GALNTL6: variants seen among roughly 807,000 people sequenced by gnomAD.
The protein encoded by GALNTL6 is polypeptide N-acetylgalactosaminyltransferase like 6.
Under a neutral mutation model 73.7 loss-of-function variants are expected in GALNTL6, and 46 were observed. That is an observed-to-expected ratio of 0.62 (90% CI 0.49 to 0.80). GALNTL6 has a LOEUF of 0.80. Ranked by LOEUF, GALNTL6 falls within the 30% of genes least tolerant of loss-of-function variation. GALNTL6 has a pLI of 0.00. For missense variants in GALNTL6, 604 were observed against 755.0 expected, an observed-to-expected ratio of 0.80 and a Z score of 2.34; for synonymous variants, 259 against 263.7, an observed-to-expected ratio of 0.98 and a Z score of 0.17.
chr4:172,309,928 C>A (rs191957274), intron 3 of GALNTL6, among the ~76,000 whole-genome samples: 6 of 151,808 alleles, frequency 4.0e-5, no homozygotes, highest in African/African-American at 1.5e-4. Context: ...TATAAAACGC[C>A]ACTGAGGTCC....
intron 4 of GALNTL6, among the ~76,000 whole-genome samples, chr4:172,331,327 T>A (rs546812904): frequency 6.5e-4 from 99 of 152,212 alleles, no homozygotes; most frequent in African/African-American, 2.3e-3. Context: ...TCACCCAGGC[T>A]GGAGTGCAGT....
intron 2 of GALNTL6, among the ~76,000 whole-genome samples, chr4:172,173,078 A>T (rs1288581740): frequency 6.6e-6 from 1 of 152,146 alleles, no homozygotes; most frequent in African/African-American, 2.4e-5. Flanking sequence ...GATTTTGGCC[A>T]TTTGATGTCA....
At chr4:172,172,224 G>C (rs1336240698) in intron 2 of GALNTL6, among the ~76,000 whole-genome samples, 1 of 152,124 alleles carries the variant, frequency 6.6e-6, no homozygotes, top group Non-Finnish European at 1.5e-5. Context: ...TTGAGACAGA[G>C]TCTCACTCTG....
chr4:172,282,093 T>G (rs974707972), intron 3 of GALNTL6, among the ~76,000 whole-genome samples: 2 of 152,230 alleles, frequency 1.3e-5, no homozygotes, highest in African/African-American at 4.8e-5. Context: ...TTCATCAAAA[T>G]GTATTGAGTG....
In GALNTL6 at chr4:172,663,940, A is replaced by AAAAAG. The variant is rs1553969283; in HGVS notation, c.554-145418_554-145417insAGAAA. On this transcript the variant is annotated intron_variant, in intron 5 of 12. Coordinates refer to ENST00000506823, the MANE Select transcript of GALNTL6 (RefSeq NM_001034845.3). ...GTGAGACTCTGTCTCAAAAAAAAAA[A>AAAAAG]AAAGAAAGAAAGATGACTTACATGC... Among the ~76,000 whole-genome samples the AAAAAG allele has an allele frequency of 3.0e-3, 436 of 147,128 alleles. 1 individual carries two copies. The highest frequency in any genetic ancestry group is 6.7e-3 in the African/African-American group (269 of 40,216).
chr4:171,828,487 G>A lies in GALNTL6; in HGVS notation c.138+13769G>A, dbSNP rs942591028. ...AAAGTAGAGTTGTTTGATACGTACC[G>A]TAGATGGAAGTCCACAGCTGCAGTT... On this transcript the variant is annotated intron_variant, in intron 2 of 12. Transcript: ENST00000506823. Among the ~76,000 whole-genome samples the A allele has an allele frequency of 1.4e-4, 21 of 152,302 alleles. No homozygotes were observed. In the East Asian group the frequency reaches 2.1e-3, roughly 15 times the overall value.
At chr4:172,761,209 CCT>C in intron 5 of GALNTL6, among the ~76,000 whole-genome samples, 2 of 152,178 alleles carry the variant, frequency 1.3e-5, no homozygotes, top group Non-Finnish European at 2.9e-5. Flanking sequence ...TACACCTAGA[CCT>C]CTTTTAAATC....
intron 2 of GALNTL6, among the ~76,000 whole-genome samples, chr4:171,974,892 A>G (rs368742898): frequency 3.9e-5 from 6 of 152,194 alleles, no homozygotes; most frequent in African/African-American, 1.4e-4. Flanking sequence ...GGCTTTTTCA[A>G]TGATGCTTTC....
intron 5 of GALNTL6, among the ~76,000 whole-genome samples, chr4:172,778,811 C>G (rs577453829): frequency 6.6e-6 from 1 of 152,186 alleles, no homozygotes; most frequent in African/African-American, 2.4e-5. Context: ...CAGGCACAGT[C>G]CCTCCTGGAA....
chr4:171,912,493 A>G (rs767064132), intron 2 of GALNTL6, among the ~76,000 whole-genome samples: 2 of 152,224 alleles, frequency 1.3e-5, no homozygotes, highest in Admixed American at 1.3e-4. Flanking sequence ...ATATGTGATG[A>G]TAAAATCAGG....
chr4:172,580,781 T>C (rs1001138741), intron 5 of GALNTL6, among the ~76,000 whole-genome samples: 2 of 152,222 alleles, frequency 1.3e-5, no homozygotes, highest in African/African-American at 4.8e-5. Context: ...ATTTTTTTGT[T>C]TGTTTGTTTG....
At chr4:172,534,353 A>G (rs1440899378) in intron 5 of GALNTL6, among the ~76,000 whole-genome samples, 1 of 152,216 alleles carries the variant, frequency 6.6e-6, no homozygotes, top group East Asian at 1.9e-4. Flanking sequence ...AGAAGCAATC[A>G]TATTTTAAGA....
intron 2 of GALNTL6, among the ~76,000 whole-genome samples, chr4:171,927,980 C>T (rs765782390): frequency 3.0e-4 from 46 of 152,136 alleles, no homozygotes; most frequent in Non-Finnish European, 6.2e-4. Context: ...TTACCACTCA[C>T]TAGAGCTTTT....
At chr4:172,767,889 C>T (rs2110852074) in intron 5 of GALNTL6, among the ~76,000 whole-genome samples, 1 of 152,090 alleles carries the variant, frequency 6.6e-6, no homozygotes, top group South Asian at 2.1e-4. Flanking sequence ...AGGATGATCT[C>T]AATCTCCTGA....
intron 5 of GALNTL6, among the ~76,000 whole-genome samples, chr4:172,498,841 A>AT (rs1449782865): frequency 6.6e-6 from 1 of 152,208 alleles, no homozygotes; most frequent in African/African-American, 2.4e-5. Context: ...ATGAAAAAAA[A>AT]TTATTCATAA....
intron 2 of GALNTL6, among the ~76,000 whole-genome samples, chr4:172,212,938 T>G (rs1046283698): frequency 3.3e-5 from 5 of 152,206 alleles, no homozygotes; most frequent in Non-Finnish European, 5.9e-5. Flanking sequence ...CCCAAAGTGC[T>G]GGGATTACAG....
intron 4 of GALNTL6, among the ~76,000 whole-genome samples, chr4:172,333,314 G>C (rs958696973): frequency 1.3e-5 from 2 of 152,038 alleles, no homozygotes; most frequent in Non-Finnish European, 2.9e-5. Flanking sequence ...CTGAGGCAGA[G>C]GAATCGCTTG....
chr4:172,417,625 G>C (rs1730892522), intron 5 of GALNTL6, among the ~76,000 whole-genome samples: 1 of 151,838 alleles, frequency 6.6e-6, no homozygotes, highest in Non-Finnish European at 1.5e-5. Flanking sequence ...CTCCAGCCTG[G>C]GTGGCAGAGT....
chr4:172,231,475 A>G (rs1161095692), intron 3 of GALNTL6, among the ~76,000 whole-genome samples: 1 of 152,220 alleles, frequency 6.6e-6, no homozygotes, highest in Admixed American at 6.5e-5. Context: ...AATAATTTGC[A>G]GCTCTGGATT....
Sources: allele counts gnomAD v4.1 joint callset (sites outside exome capture counted in the v4.1 genomes callset), GRCh38; gene constraint gnomAD v4.1.1; transcripts MANE v1.5; gene names NCBI Gene and HGNC (gene_info 2026-07-23, HGNC 2026-07-21).